The following PPP1R9A variants were observed in gnomAD, a reference collection of about 807,000 sequenced individuals.
PPP1R9A encodes the protein protein phosphatase 1 regulatory subunit 9A, also known as neurabin-1.
A neutral mutation model predicts 141.9 loss-of-function variants in PPP1R9A; 59 were observed. That is an observed-to-expected ratio of 0.42 (90% confidence interval 0.34 to 0.52). The LOEUF is 0.52. PPP1R9A is among the 20% of genes least tolerant of loss of function. The pLI, the probability that PPP1R9A is intolerant of heterozygous loss-of-function variation, is 0.10. For synonymous variants in PPP1R9A, 500 were observed against 569.7 expected (o/e 0.88, Z 1.74); for missense variants, 1,444 against 1,611.9 (o/e 0.90, Z 1.78).
intron 2 of PPP1R9A, among the ~76,000 whole-genome samples, chr7:95,106,660 A>G (rs948139175): frequency 6.6e-6 from 1 of 152,214 alleles, no homozygotes; most frequent in African/African-American, 2.4e-5. Context: ...CACATTTGCA[A>G]GTATTTCTGT....
At chr7:95,151,288 C>T (rs1828622450) in intron 4 of PPP1R9A, among the ~76,000 whole-genome samples, 1 of 152,154 alleles carries the variant, frequency 6.6e-6, no homozygotes, top group Admixed American at 6.5e-5. Context: ...GAATATTATT[C>T]AGTGCTAAAA....
chr7:95,164,950 C>T (rs760422639), intron 5 of PPP1R9A, among the ~76,000 whole-genome samples: 1 of 151,868 alleles, frequency 6.6e-6, no homozygotes, highest in Non-Finnish European at 1.5e-5. Context: ...TGTGCCATTC[C>T]CTGTCTTCTG....
chr7:95,072,403 G>C (rs1813966266), intron 2 of PPP1R9A, among the ~76,000 whole-genome samples: 2 of 143,388 alleles, frequency 1.4e-5, no homozygotes, highest in South Asian at 4.3e-4. Context: ...AGAGGAGACA[G>C]GGACATTTAT....
intron 5 of PPP1R9A, among the ~76,000 whole-genome samples, chr7:95,174,150 A>G (rs1832567996): frequency 6.6e-6 from 1 of 152,188 alleles, no homozygotes; most frequent in Non-Finnish European, 1.5e-5. Context: ...TACAAATTGT[A>G]TTATATCCCA....
chr7:95,033,034 T>C (rs1563145982), intron 2 of PPP1R9A, among the ~76,000 whole-genome samples: 1 of 152,048 alleles, frequency 6.6e-6, no homozygotes, highest in Non-Finnish European at 1.5e-5. Flanking sequence ...AGACAGAGTC[T>C]TGCTCTGTCG....
intron 2 of PPP1R9A, among the ~76,000 whole-genome samples, chr7:95,032,774 G>A (rs1345409115): frequency 1.3e-5 from 2 of 152,078 alleles, no homozygotes; most frequent in African/African-American, 2.4e-5. Context: ...ATACAAAAGT[G>A]TGTAAAACTG....
chr7:95,268,445 C>A, intron 12 of PPP1R9A, 105 bp from the exon 13 acceptor site: 1 of 1,306,478 alleles, frequency 7.7e-7, no homozygotes, highest in Admixed American at 2.0e-5. Context: ...TCACCTGATC[C>A]TTACCTGATG....
intron 7 of PPP1R9A, among the ~76,000 whole-genome samples, chr7:95,217,791 G>A (rs1793713206): frequency 6.6e-6 from 1 of 152,154 alleles, no homozygotes; most frequent in South Asian, 2.1e-4. Context: ...ATGGTAGTTT[G>A]TATTTCTGTG....
chr7:95,033,913 A>T (rs1808072712), intron 2 of PPP1R9A, among the ~76,000 whole-genome samples: 2 of 152,142 alleles, frequency 1.3e-5, no homozygotes, highest in South Asian at 4.1e-4. Context: ...CACTATCTTC[A>T]TTGCTATTTA....
At chr7:95,186,081 T>C (rs1171021389) in intron 5 of PPP1R9A, among the ~76,000 whole-genome samples, 3 of 152,144 alleles carry the variant, frequency 2.0e-5, no homozygotes, top group South Asian at 2.1e-4. Flanking sequence ...AGTGTTTTGA[T>C]AGGAATTGCA....
chr7:94,917,209 T>C (rs941475591), intron 2 of PPP1R9A, among the ~76,000 whole-genome samples: 1 of 152,192 alleles, frequency 6.6e-6, no homozygotes, highest in Non-Finnish European at 1.5e-5. Flanking sequence ...TCAAATATTT[T>C]AATATACTTT....
chr7:95,179,798 A>T (rs2152785238), intron 5 of PPP1R9A, among the ~76,000 whole-genome samples: 1 of 148,506 alleles, frequency 6.7e-6, no homozygotes, highest in Non-Finnish European at 1.5e-5. Flanking sequence ...AAAAAAAAAT[A>T]CGTAGGAATA....
At chr7:94,921,854 C>A (rs1481544156) in intron 2 of PPP1R9A, among the ~76,000 whole-genome samples, 1 of 151,668 alleles carries the variant, frequency 6.6e-6, no homozygotes, top group East Asian at 1.9e-4. Context: ...AACAAACAAA[C>A]CTGTAAGTAA....
At chr7:95,039,390 GA>G (rs1193339356) in intron 2 of PPP1R9A, among the ~76,000 whole-genome samples, 1 of 151,832 alleles carries the variant, frequency 6.6e-6, no homozygotes. Flanking sequence ...CCAACATGGT[GA>G]AACCCCGTCT....
At chr7:95,071,082 C>G (rs1400734883) in intron 2 of PPP1R9A, among the ~76,000 whole-genome samples, 2 of 151,908 alleles carry the variant, frequency 1.3e-5, no homozygotes, top group South Asian at 2.1e-4. Flanking sequence ...AAGATTGTCA[C>G]TTGATTCACA....
intron 2 of PPP1R9A, among the ~76,000 whole-genome samples, chr7:95,052,703 G>C (rs538960485): frequency 2.0e-5 from 3 of 152,152 alleles, no homozygotes; most frequent in Non-Finnish European, 2.9e-5. Context: ...GGCCTTGTCA[G>C]TTCCTCATCT....
chr7:95,224,429 A>G (rs944619671), intron 7 of PPP1R9A, among the ~76,000 whole-genome samples: 2 of 152,134 alleles, frequency 1.3e-5, no homozygotes, highest in Admixed American at 6.6e-5. Context: ...TAGAGTGTGA[A>G]GGATGCTGTG....
chr7:95,193,528 T>C (rs1835817382), intron 5 of PPP1R9A, among the ~76,000 whole-genome samples: 1 of 152,016 alleles, frequency 6.6e-6, no homozygotes, highest in East Asian at 1.9e-4. Flanking sequence ...CAATTCTTAT[T>C]TCCTCTCAAA....
chr7:95,183,872 A>G (rs1422041480), intron 5 of PPP1R9A, among the ~76,000 whole-genome samples: 1 of 149,844 alleles, frequency 6.7e-6, no homozygotes, highest in Non-Finnish European at 1.5e-5. Context: ...ATTTTATTCT[A>G]TTTTATTTTA....
Sources: allele counts gnomAD v4.1 joint callset (sites outside exome capture counted in the v4.1 genomes callset), GRCh38; gene constraint gnomAD v4.1.1; transcripts MANE v1.5; gene names NCBI Gene and HGNC (gene_info 2026-07-23, HGNC 2026-07-21).